PTPRG: variants seen among roughly 807,000 people sequenced by gnomAD.
PTPRG encodes protein tyrosine phosphatase receptor type G.
Under a neutral mutation model 165.3 loss-of-function variants are expected in PTPRG, and 102 were observed. The ratio of observed to expected loss-of-function variants is 0.62; its 90% confidence interval spans 0.53 to 0.73. PTPRG has a LOEUF of 0.73. PTPRG is among the 30% of genes least tolerant of loss of function. The pLI, the probability that PTPRG is intolerant of heterozygous loss-of-function variation, is 0.00. For missense variants in PTPRG, 1,866 were observed against 1,861.4 expected (o/e 1.00, Z -0.05); for synonymous variants, 675 against 669.5 (o/e 1.01, Z -0.13).
intron 4 of PTPRG, among the ~76,000 whole-genome samples, chr3:62,030,762 A>G (rs915267071): frequency 3.3e-5 from 5 of 152,230 alleles, no homozygotes; most frequent in African/African-American, 1.2e-4. Context: ...GTGAGTCTCT[A>G]TAATGGAATT....
intron 2 of PTPRG, among the ~76,000 whole-genome samples, chr3:61,904,077 G>T (rs1469584165): frequency 6.6e-6 from 1 of 152,144 alleles, no homozygotes; most frequent in African/African-American, 2.4e-5. Flanking sequence ...GAGAGAATCT[G>T]ATGAGCTTTG....
intron 6 of PTPRG, among the ~76,000 whole-genome samples, chr3:62,153,364 T>G (rs373175565): frequency 6.6e-6 from 1 of 152,258 alleles, no homozygotes; most frequent in African/African-American, 2.4e-5. Context: ...ATTCTCATTA[T>G]TCTCATTTTA....
At chr3:61,628,189 A>G (rs1701665333) in intron 1 of PTPRG, among the ~76,000 whole-genome samples, 1 of 152,204 alleles carries the variant, frequency 6.6e-6, no homozygotes, top group South Asian at 2.1e-4. Flanking sequence ...TAAGACAAAT[A>G]AGAATTAGAT....
At chr3:61,918,729 G>T (rs1278944338) in intron 2 of PTPRG, among the ~76,000 whole-genome samples, 1 of 152,224 alleles carries the variant, frequency 6.6e-6, no homozygotes, top group African/African-American at 2.4e-5. Context: ...GTGGACTGGG[G>T]AGCGGTGATG....
chr3:62,015,443 T>TTCAGCAGAGAATGTTC (rs1460644014), intron 4 of PTPRG, among the ~76,000 whole-genome samples: 9 of 152,222 alleles, frequency 5.9e-5, no homozygotes, highest in Non-Finnish European at 1.2e-4. Flanking sequence ...TTAGAATGTT[T>TTCAGCAGAGAATGTTC]TCAGCAGAGA....
chr3:61,716,728 T>G (rs1468210741), intron 1 of PTPRG, among the ~76,000 whole-genome samples: 1 of 152,192 alleles, frequency 6.6e-6, no homozygotes, highest in Non-Finnish European at 1.5e-5. Flanking sequence ...ATCCTAGCAC[T>G]TTGGAAGGCC....
chr3:62,188,863 A>T (rs1268245043), intron 8 of PTPRG, among the ~76,000 whole-genome samples: 1 of 152,132 alleles, frequency 6.6e-6, no homozygotes, highest in Non-Finnish European at 1.5e-5. Context: ...TCATTATGGG[A>T]TATAGAAGCT....
intron 1 of PTPRG, among the ~76,000 whole-genome samples, chr3:61,574,430 G>A (rs1391634701): frequency 6.6e-6 from 1 of 152,198 alleles, no homozygotes; most frequent in Non-Finnish European, 1.5e-5. Context: ...GCTAGTCAAT[G>A]CCTGCCCTGT....
rs529945449 is a variant in PTPRG at position 62,106,327 on chromosome 3, C to T, written c.616-26275C>T. On this transcript the variant is annotated intron_variant, in intron 5 of 29. Transcript: ENST00000474889. ...CACCTTTGTGGTACATCTCAGCAGACACCATACACTAAGCAGGGCATTGCT... is the reference window on the plus strand; with the variant it reads ...CACCTTTGTGGTACATCTCAGCAGATACCATACACTAAGCAGGGCATTGCT... 1.6e-4 allele frequency among the ~76,000 whole-genome samples: 24 copies of T among 152,252 alleles called. No individual in the cohort carries two copies. The East Asian group carries it at 4.6e-3, about 29-fold the overall frequency.
At chr3:62,125,630 C>A (rs995268647) in intron 5 of PTPRG, among the ~76,000 whole-genome samples, 5 of 151,536 alleles carry the variant, frequency 3.3e-5, no homozygotes, top group African/African-American at 1.2e-4. Flanking sequence ...AGGCAAGTCA[C>A]TGAACCTGAA....
chr3:61,887,797 T>A (rs1311317639), intron 2 of PTPRG, among the ~76,000 whole-genome samples: 2 of 152,062 alleles, frequency 1.3e-5, no homozygotes, highest in Admixed American at 6.5e-5. Flanking sequence ...TATCTTTGCA[T>A]ATATTCTTTA....
At chr3:61,839,617 C>T (rs192869744) in intron 2 of PTPRG, among the ~76,000 whole-genome samples, 160 of 151,946 alleles carry the variant, frequency 1.1e-3, no homozygotes, top group Non-Finnish European at 1.8e-3. Context: ...ACAGTACTTT[C>T]GTATTTGAAA....
intron 5 of PTPRG, among the ~76,000 whole-genome samples, chr3:62,083,254 A>T (rs1345830711): frequency 1.5e-5 from 2 of 135,124 alleles, no homozygotes; most frequent in African/African-American, 6.6e-5. Context: ...GGTTTTTGCC[A>T]TTACTTTTTT....
intron 1 of PTPRG, among the ~76,000 whole-genome samples, chr3:61,651,701 T>A (rs1413889484): frequency 6.6e-6 from 1 of 152,154 alleles, no homozygotes; most frequent in East Asian, 1.9e-4. Context: ...TATATATTGA[T>A]CCATGTAAGT....
chr3:61,933,841 T>C (rs1465236745), intron 2 of PTPRG, among the ~76,000 whole-genome samples: 1 of 152,216 alleles, frequency 6.6e-6, no homozygotes, highest in Non-Finnish European at 1.5e-5. Flanking sequence ...TCTTTGGCAT[T>C]TATATCAAAC....
At chr3:61,623,984 C>G (rs1162925028) in intron 1 of PTPRG, among the ~76,000 whole-genome samples, 2 of 152,196 alleles carry the variant, frequency 1.3e-5, no homozygotes, top group Non-Finnish European at 2.9e-5. Flanking sequence ...GCCTCACTGC[C>G]TCCTTGCATT....
At chr3:61,954,816 A>T (rs990357361) in intron 2 of PTPRG, among the ~76,000 whole-genome samples, 5 of 152,268 alleles carry the variant, frequency 3.3e-5, no homozygotes, top group Non-Finnish European at 7.3e-5. Flanking sequence ...GAATATCTCA[A>T]TGAGATGTGG....
At chr3:61,881,818 T>C (rs1019387229) in intron 2 of PTPRG, among the ~76,000 whole-genome samples, 1 of 152,214 alleles carries the variant, frequency 6.6e-6, no homozygotes, top group African/African-American at 2.4e-5. Flanking sequence ...TTGGACACAG[T>C]TGGAAAATCA....
Position 61,562,338 on chromosome 3 carries a change from C to T in PTPRG, c.51C>T (p.Thr17=), listed in dbSNP as rs556669186. The T allele has an allele frequency of 1.2e-6, 2 of 1,613,602 alleles. No homozygotes were observed. Among genetic ancestry groups the T allele is most frequent in the South Asian group, 1.1e-5 (1 of 91,086 alleles). The change falls in exon 1 of 30, where the codon ACC becomes ACT. Residue 17 remains threonine, a synonymous_variant. Coordinates refer to ENST00000474889, the MANE Select transcript of PTPRG (RefSeq NM_002841.4). ...PCWWILFLKI[T]SSVLHYVVCF... is the part of the protein sequence containing the mutation. ...GGTGGATTTTGTTCCTGAAAATCAC[C>T]AGTTCCGTGCTCCATTATGTCGTGT...
Sources: allele counts gnomAD v4.1 joint callset (sites outside exome capture counted in the v4.1 genomes callset), GRCh38; gene constraint gnomAD v4.1.1; transcripts MANE v1.5; gene names NCBI Gene and HGNC (gene_info 2026-07-23, HGNC 2026-07-21).